HDAC9: variants seen among roughly 807,000 people sequenced by gnomAD.
The protein encoded by HDAC9 is MEF-2 interacting transcription repressor (MITR) protein.
Under a neutral mutation model 139.4 loss-of-function variants are expected in HDAC9, and 41 were observed. The observed-to-expected ratio is 0.29, with a 90% CI of 0.23 to 0.38. The LOEUF (loss-of-function observed/expected upper bound fraction) is 0.38. Ranked by LOEUF, HDAC9 falls within the 10% of genes least tolerant of loss-of-function variation. The pLI is 1.00. For synonymous variants in HDAC9, 517 were observed against 476.2 expected, an observed-to-expected ratio of 1.09 and a Z score of -1.12; for missense variants, 1,147 against 1,297.0, an observed-to-expected ratio of 0.88 and a Z score of 1.78.
At chr7:18,225,984 C>T (rs1180304426) in intron 2 of HDAC9, among the ~76,000 whole-genome samples, 4 of 152,194 alleles carry the variant, frequency 2.6e-5, no homozygotes, top group Non-Finnish European at 5.9e-5. Flanking sequence ...ATATAATAAT[C>T]TATCTCTCCT....
In HDAC9 at chr7:18,823,284, A is replaced by C. The variant is rs145681447; in HGVS notation, c.2323-5877A>C. Among the ~76,000 whole-genome samples the C allele has an allele frequency of 7.2e-3, 1,091 of 152,342 alleles. 10 individuals carry two copies. The highest frequency in any genetic ancestry group is 0.018 in the South Asian group (86 of 4,828). The stretch of plus-strand genomic sequence containing the variant: ...CATCAGCAAAGGGTAAGGAATGAGC[A>C]GGGTAGGAGATTGGAAGAACGAAAG... On this transcript the variant is annotated intron_variant, in intron 17 of 25. Coordinates refer to ENST00000686413, the MANE Select transcript of HDAC9 (RefSeq NM_178425.4).
chr7:18,476,344 A>C (rs368242424), intron 1 of HDAC9, among the ~76,000 whole-genome samples: 1 of 152,206 alleles, frequency 6.6e-6, no homozygotes, highest in South Asian at 2.1e-4. Flanking sequence ...TCCCCAAGGG[A>C]CAATATCCTC....
chr7:18,286,538 T>G (rs1797465961), upstream of HDAC9, among the ~76,000 whole-genome samples: 1 of 151,694 alleles, frequency 6.6e-6, no homozygotes, highest in African/African-American at 2.4e-5. Context: ...GGATCAGCTT[T>G]GAATCATTTC....
intron 12 of HDAC9, among the ~76,000 whole-genome samples, chr7:18,674,656 C>A (rs557154998): frequency 6.6e-6 from 1 of 151,886 alleles, no homozygotes. Flanking sequence ...TTACATTGTT[C>A]TTATTCAGAT....
chr7:18,746,048 T>G (rs969354162), intron 13 of HDAC9, among the ~76,000 whole-genome samples: 3 of 151,600 alleles, frequency 2.0e-5, no homozygotes, highest in African/African-American at 4.9e-5. Flanking sequence ...TTTTAAAAAT[T>G]TTTGTGGAGA....
At chr7:18,737,089 T>A (rs200139188) in intron 13 of HDAC9, among the ~76,000 whole-genome samples, 1 of 152,214 alleles carries the variant, frequency 6.6e-6, no homozygotes, top group East Asian at 1.9e-4. Flanking sequence ...TATCCCCTTT[T>A]TCATTTTTTA....
chr7:18,807,612 G>T (rs1317784268), intron 17 of HDAC9, among the ~76,000 whole-genome samples: 2 of 151,708 alleles, frequency 1.3e-5, no homozygotes, highest in Admixed American at 6.6e-5. Context: ...TGCATCCCTT[G>T]TTTTGGCATA....
intron 12 of HDAC9, among the ~76,000 whole-genome samples, chr7:18,672,789 A>C (rs918517976): frequency 4.6e-5 from 7 of 151,996 alleles, no homozygotes; most frequent in African/African-American, 1.7e-4. Flanking sequence ...TATGAACTTC[A>C]TGATTATTGG....
chr7:18,173,979 T>G (rs953672823), intron 2 of HDAC9, among the ~76,000 whole-genome samples: 1 of 152,234 alleles, frequency 6.6e-6, no homozygotes, highest in African/African-American at 2.4e-5. Context: ...ATTTCCTGAA[T>G]TTGAATGTTG....
At chr7:18,697,698 A>G (rs1161453526) in intron 12 of HDAC9, among the ~76,000 whole-genome samples, 2 of 152,168 alleles carry the variant, frequency 1.3e-5, no homozygotes, top group African/African-American at 4.8e-5. Flanking sequence ...CTCAGTCTTC[A>G]TGGGACCTGT....
In HDAC9 at chr7:18,585,272, G is replaced by GTTTTTT; in HGVS notation, c.23-7_23-6insTTTTTT. 1 of 1,604,502 alleles carries GTTTTTT rather than the reference G, an allele frequency of 6.2e-7. No individual in the cohort carries two copies. Among genetic ancestry groups the GTTTTTT allele is most frequent in the Non-Finnish European group, 8.5e-7 (1 of 1,175,958 alleles). On this transcript the variant is annotated splice_polypyrimidine_tract_variant and intron_variant, in intron 2 of 25. Coordinates refer to ENST00000686413, the MANE Select transcript of HDAC9 (RefSeq NM_178425.4). ...CCCACCCCATTTCCCTTTTTTTCTG[G>GTTTTTT]TTCTTTAGTGGATGTGAAGTCAGAA...
intron 17 of HDAC9, among the ~76,000 whole-genome samples, chr7:18,810,863 G>A (rs1381438156): frequency 2.0e-5 from 3 of 151,944 alleles, no homozygotes; most frequent in African/African-American, 4.8e-5. Flanking sequence ...TTACTGCTGA[G>A]TAGTATTTTA....
At chr7:18,518,368 A>G (rs1466012505) in intron 2 of HDAC9, among the ~76,000 whole-genome samples, 1 of 152,336 alleles carries the variant, frequency 6.6e-6, no homozygotes, top group African/African-American at 2.4e-5. Flanking sequence ...AAACAAATAT[A>G]TTTGTGTACA....
At chr7:18,980,748 T>C (rs1196849877) in intron 25 of HDAC9, among the ~76,000 whole-genome samples, 3 of 137,422 alleles carry the variant, frequency 2.2e-5, no homozygotes, top group African/African-American at 3.3e-5. Context: ...TCTTCTTCCT[T>C]CTTCTTCTTC....
chr7:18,205,809 G>T (rs1438874548), intron 2 of HDAC9, among the ~76,000 whole-genome samples: 4 of 152,132 alleles, frequency 2.6e-5, no homozygotes, highest in Non-Finnish European at 5.9e-5. Flanking sequence ...TATTATTTGT[G>T]ACAGTCTACA....
intron 1 of HDAC9, among the ~76,000 whole-genome samples, chr7:18,310,268 T>C (rs1339060707): frequency 1.3e-5 from 2 of 152,222 alleles, no homozygotes; most frequent in Non-Finnish European, 2.9e-5. Context: ...CACAGAGTTT[T>C]ATGTTGGGCT....
At chr7:18,297,875 C>T (rs1418968564) in intron 1 of HDAC9, among the ~76,000 whole-genome samples, 1 of 152,146 alleles carries the variant, frequency 6.6e-6, no homozygotes, top group Non-Finnish European at 1.5e-5. Flanking sequence ...CAAATCATTG[C>T]AAAAATGTTC....
intron 22 of HDAC9, among the ~76,000 whole-genome samples, chr7:18,921,651 A>G (rs996825172): frequency 3.3e-5 from 5 of 152,168 alleles, no homozygotes; most frequent in African/African-American, 1.2e-4. Flanking sequence ...TAGTTCAATC[A>G]TTGTGGAAGT....
intron 1 of HDAC9, among the ~76,000 whole-genome samples, chr7:18,403,284 G>T (rs1787708553): frequency 6.6e-6 from 1 of 152,000 alleles, no homozygotes; most frequent in South Asian, 2.1e-4. Context: ...ATGGAATTCA[G>T]TGACTCTTAC....
Sources: gnomAD v4.1 joint callset for allele counts (sites outside exome capture counted in the v4.1 genomes callset) on GRCh38, gnomAD v4.1.1 for gene constraint, MANE v1.5 for transcripts, NCBI Gene and HGNC (gene_info 2026-07-23, HGNC 2026-07-21) for gene names.